CMAS: variants seen among roughly 807,000 people sequenced by gnomAD.
CMAS encodes the protein N-acylneuraminate cytidylyltransferase.
In CMAS, 21 loss-of-function variants were observed where a neutral mutation model predicts 53.4. That is an observed-to-expected ratio of 0.39 (90% CI 0.28 to 0.57). CMAS has a LOEUF of 0.57. CMAS is among the 20% of genes least tolerant of loss of function. CMAS has a pLI of 0.56. For synonymous variants in CMAS, 189 were observed against 195.2 expected (o/e 0.97, Z 0.27); for missense variants, 384 against 534.9 (o/e 0.72, Z 2.78).
At chr12:22,047,003 G>A (rs913645714) in intron 1 of CMAS, among the ~76,000 whole-genome samples, 1 of 152,086 alleles carries the variant, frequency 6.6e-6, no homozygotes, top group East Asian at 1.9e-4. Flanking sequence ...GATTAGGGAG[G>A]CATCAGGTTC....
chr12:22,065,576 G>A lies in CMAS; in HGVS notation c.*265G>A, dbSNP rs1591796488. ...ACCCTGTAAAACTGTGTGTTTGTGT[G>A]CTTTCAAAGATGTTGGGATTTTATT... On this transcript the variant is annotated 3_prime_UTR_variant, in exon 8 of 8. Coordinates refer to ENST00000229329, the MANE Select transcript of CMAS (RefSeq NM_018686.6). 1.5e-5 allele frequency: 4 copies of A among 272,678 alleles called. No individual in the cohort carries two copies. In the South Asian group the frequency reaches 4.2e-4, roughly 29 times the overall value. 16.9% of individuals were successfully genotyped at this position (272,678 alleles called of 1,614,324 possible).
rs58755366 is a variant in CMAS, at chr12:22,060,333, TAAAAAAAAAAAAAA to T, written c.694-485_694-472del. On this transcript the variant is annotated intron_variant, in intron 4 of 7. Coordinates refer to ENST00000229329, the MANE Select transcript of CMAS (RefSeq NM_018686.6). ...ATTTCTTTTGTGTGAGCTTTCTCCTTAAAAAAAAAAAAAAAAAAAAAAAAAAAGCTGGGCGTGGT... is the reference window on the plus strand; with the variant it reads ...ATTTCTTTTGTGTGAGCTTTCTCCTTAAAAAAAAAAAAAGCTGGGCGTGGT... Among the ~76,000 whole-genome samples, 3 of 54,136 alleles carry T rather than the reference TAAAAAAAAAAAAAA, an allele frequency of 5.5e-5. 1 individual carries two copies. The highest frequency in any genetic ancestry group is 7.0e-5 in the Non-Finnish European group (2 of 28,758). The allele number at this position is 54,136 out of a possible 152,430, so 35.5% of individuals were successfully genotyped here. A position where few individuals can be genotyped will look rare whatever the true frequency, so the allele number is the denominator to read the frequency against.
Position 22,046,241 on chromosome 12 carries a change from G to C in CMAS, c.-63G>C, listed in dbSNP as rs1950203618. On this transcript the variant is annotated 5_prime_UTR_variant, in exon 1 of 8. Coordinates refer to ENST00000229329, the MANE Select transcript of CMAS (RefSeq NM_018686.6). The stretch of plus-strand genomic sequence containing the variant: ...CCAGGCGGGGATCGGGCGGCGCCGA[G>C]CTGAGGTGGTGAGGGACTAGCTCCC... 1.5e-6 allele frequency: 2 copies of C among 1,377,196 alleles called. No individual in the cohort carries two copies. The highest frequency in any genetic ancestry group is 3.8e-5 in the Admixed American group (1 of 26,250). 85.3% of individuals were successfully genotyped at this position (1,377,196 alleles called of 1,614,324 possible).
chr12:22,064,950 A>G (rs73252003), intron 7 of CMAS, among the ~76,000 whole-genome samples, 171 bp from the exon 8 acceptor site: 2,305 of 152,296 alleles, frequency 0.015, 58 homozygotes, highest in African/African-American at 0.052. Context: ...CCTGGACCTC[A>G]ATTATACTGT....
Position 22,065,349 on chromosome 12 carries a change from T to C in CMAS, c.*38T>C, listed in dbSNP as rs1031123334. ...TATTGAGAAAAAAATGATACAGCCT[T>C]CTTCAGCCAGTTTGCTTTTATTTTT... On this transcript the variant is annotated 3_prime_UTR_variant, in exon 8 of 8. Coordinates refer to ENST00000229329, the MANE Select transcript of CMAS (RefSeq NM_018686.6). 1 of 1,510,600 alleles carries C rather than the reference T, an allele frequency of 6.6e-7. No homozygotes were observed. Among genetic ancestry groups the C allele is most frequent in the Admixed American group, 1.8e-5 (1 of 56,610 alleles). 93.6% of individuals were successfully genotyped at this position (1,510,600 alleles called of 1,614,324 possible).
At chr12:22,061,043 A>C in intron 5 of CMAS, 117 bp downstream of exon 5, 1 of 741,224 alleles carries the variant, frequency 1.3e-6, no homozygotes, top group Admixed American at 2.4e-5. Context: ...TGTTCATGTG[A>C]GGAAGACATG....
At chr12:22,047,397 TG>T (rs1230998914) in intron 1 of CMAS, among the ~76,000 whole-genome samples, 1 of 152,150 alleles carries the variant, frequency 6.6e-6, no homozygotes, top group African/African-American at 2.4e-5. Context: ...TTGAATGTGT[TG>T]TTATTGTGGA....
chr12:22,053,987 C>T (rs1269609388), intron 1 of CMAS, among the ~76,000 whole-genome samples: 2 of 150,386 alleles, frequency 1.3e-5, no homozygotes, highest in Non-Finnish European at 3.0e-5. Context: ...AGTGCAGTGG[C>T]GCGATCTCGG....
chr12:22,057,174 C>T (rs1485345929), intron 3 of CMAS, among the ~76,000 whole-genome samples: 1 of 151,310 alleles, frequency 6.6e-6, no homozygotes, highest in Non-Finnish European at 1.5e-5. Flanking sequence ...CCTGTATAAA[C>T]ACAGAAATGG....
intron 1 of CMAS, among the ~76,000 whole-genome samples, chr12:22,053,878 C>G (rs1248837891): frequency 7.1e-6 from 1 of 140,734 alleles, no homozygotes; most frequent in Non-Finnish European, 1.5e-5. Context: ...GACTCCGTCT[C>G]AAAACAAAAC....
intron 1 of CMAS, among the ~76,000 whole-genome samples, chr12:22,052,217 T>C (rs1950242213): frequency 1.3e-5 from 2 of 152,170 alleles, no homozygotes; most frequent in Non-Finnish European, 2.9e-5. Flanking sequence ...TTAAAGAGAA[T>C]TACACCGCTA....
intron 6 of CMAS, among the ~76,000 whole-genome samples, 162 bp downstream of exon 6, chr12:22,061,614 G>A (rs537569052): frequency 6.6e-6 from 1 of 152,210 alleles, no homozygotes; most frequent in East Asian, 1.9e-4. Context: ...AGTTTTAGAT[G>A]AGTAGAATTA....
chr12:22,046,281 TG>T lies in CMAS; in HGVS notation c.-19del. On this transcript the variant is annotated 5_prime_UTR_variant, in exon 1 of 8. Coordinates refer to ENST00000229329, the MANE Select transcript of CMAS (RefSeq NM_018686.6). ...GACTAGCTCCCGGATGTGGAGAAGC[TG>T]GGGAGAAGGCGTGGGAGGAAGATGG... The T allele has an allele frequency of 7.0e-7, 1 of 1,425,786 alleles. No individual in the cohort carries two copies. The allele number at this position is 1,425,786 out of a possible 1,614,324, so 88.3% of individuals were successfully genotyped here.
chr12:22,061,009 A>G, intron 5 of CMAS, 83 bp downstream of exon 5: 1 of 872,014 alleles, frequency 1.1e-6, no homozygotes, highest in South Asian at 1.5e-5. Context: ...TACTTCAGAC[A>G]TCTTAGGATC....
At position 22,055,161 on chromosome 12, in the gene CMAS, G is replaced by T; in HGVS notation, c.273G>T (p.Ser91=). The change falls in exon 2 of 8, where the codon TCG becomes TCT. Residue 91 remains serine (S), a synonymous_variant. Transcript: ENST00000229329. Reference sequence around the variant, plus strand: ...GATATCTGAACAGTGTATGGGTTTCGACAGACCATGATGAAATTGAGAATG... The same window carrying T: ...GATATCTGAACAGTGTATGGGTTTCTACAGACCATGATGAAATTGAGAATG... ...DSGAFQSVWV[S]TDHDEIENVA... 6.2e-7 allele frequency: 1 copy of T among 1,612,700 alleles called. No homozygotes were observed. Among genetic ancestry groups the T allele is most frequent in the Non-Finnish European group, 8.5e-7 (1 of 1,179,472 alleles).
chr12:22,050,676 A>G (rs982838615), intron 1 of CMAS, among the ~76,000 whole-genome samples: 4 of 152,130 alleles, frequency 2.6e-5, no homozygotes, highest in African/African-American at 4.8e-5. Flanking sequence ...CTTTGTTGCA[A>G]TCACTCAGCT....
At chr12:22,056,037 G>C (rs978999461) in intron 3 of CMAS, among the ~76,000 whole-genome samples, 1 of 152,082 alleles carries the variant, frequency 6.6e-6, no homozygotes, top group African/African-American at 2.4e-5. Flanking sequence ...TATATAAGAA[G>C]GGTTCCCTAG....
chr12:22,052,591 T>A (rs559147016), intron 1 of CMAS, among the ~76,000 whole-genome samples: 55 of 152,352 alleles, frequency 3.6e-4, no homozygotes, highest in Non-Finnish European at 5.0e-4. Context: ...GTTTATTTTT[T>A]ATTGTATTCT....
intron 1 of CMAS, among the ~76,000 whole-genome samples, chr12:22,054,398 G>A (rs1342052919): frequency 3.0e-5 from 3 of 99,718 alleles, no homozygotes; most frequent in Non-Finnish European, 7.0e-5. Context: ...GCGGTTAATA[G>A]AGTATTAAGT....
Sources: gnomAD v4.1 joint callset for allele counts (sites outside exome capture counted in the v4.1 genomes callset) on GRCh38, gnomAD v4.1.1 for gene constraint, MANE v1.5 for transcripts, NCBI Gene and HGNC (gene_info 2026-07-23, HGNC 2026-07-21) for gene names.